The following CSMD1 variants were observed in gnomAD, a reference collection of about 807,000 sequenced individuals.
CSMD1 encodes CUB and Sushi multiple domains 1.
Under a neutral mutation model 417.5 loss-of-function variants are expected in CSMD1, and 213 were observed. The ratio of observed to expected loss-of-function variants is 0.51; its 90% confidence interval spans 0.46 to 0.57. The LOEUF is 0.57. Ranked by LOEUF, CSMD1 falls within the 20% of genes least tolerant of loss-of-function variation. CSMD1 has a pLI of 0.00. For missense variants in CSMD1, 6,923 were observed against 4,529.7 expected (o/e 1.53, Z -15.17); for synonymous variants, 2,862 against 1,736.8 (o/e 1.65, Z -16.11).
intron 8 of CSMD1, among the ~76,000 whole-genome samples, chr8:3,594,837 C>G (rs1473701359): frequency 6.6e-6 from 1 of 152,190 alleles, no homozygotes; most frequent in Non-Finnish European, 1.5e-5. Flanking sequence ...CTTGAAATCT[C>G]TCACAGCTTC....
At chr8:4,920,886 GAAAA>G (rs1563768660) in intron 1 of CSMD1, among the ~76,000 whole-genome samples, 11 of 47,836 alleles carry the variant, frequency 2.3e-4, no homozygotes, top group African/African-American at 6.3e-4. Context: ...GAAAAGAAAA[GAAAA>G]GAAAAGAAAA....
At chr8:4,916,550 C>T (rs1467782086) in intron 1 of CSMD1, among the ~76,000 whole-genome samples, 7 of 152,116 alleles carry the variant, frequency 4.6e-5, no homozygotes, top group East Asian at 1.9e-4. Context: ...AGAAAATGCA[C>T]GTGGCACTCA....
chr8:3,570,770 G>T (rs1442940891), intron 10 of CSMD1, among the ~76,000 whole-genome samples: 1 of 152,126 alleles, frequency 6.6e-6, no homozygotes, highest in East Asian at 1.9e-4. Context: ...ATTTATGGTG[G>T]AAAGCAAGCA....
intron 5 of CSMD1, among the ~76,000 whole-genome samples, chr8:3,973,411 A>G (rs561533079): frequency 1.3e-5 from 2 of 152,350 alleles, no homozygotes; most frequent in East Asian, 1.9e-4. Context: ...GTCACACCCT[A>G]CTAGTGAAGT....
chr8:3,339,456 G>C (rs954078028), intron 23 of CSMD1, among the ~76,000 whole-genome samples: 7 of 152,102 alleles, frequency 4.6e-5, no homozygotes, highest in African/African-American at 1.2e-4. Flanking sequence ...TGATTTGGTA[G>C]GCTCAGAATT....
At chr8:3,628,382 C>T (rs1037150117) in intron 7 of CSMD1, among the ~76,000 whole-genome samples, 30 of 152,216 alleles carry the variant, frequency 2.0e-4, no homozygotes, top group Non-Finnish European at 4.1e-4. Flanking sequence ...TTTACCAGAG[C>T]ACAGGCCCGT....
At chr8:3,918,757 T>C (rs1322615414) in intron 5 of CSMD1, among the ~76,000 whole-genome samples, 1 of 152,150 alleles carries the variant, frequency 6.6e-6, no homozygotes, top group African/African-American at 2.4e-5. Flanking sequence ...ACTATTCTTC[T>C]AAGTGAAGTA....
chr8:3,278,598 A>C (rs1802487083), intron 26 of CSMD1: 2 of 152,220 alleles, frequency 1.3e-5, no homozygotes, highest in Admixed American at 1.3e-4. Flanking sequence ...TTTAAATTAT[A>C]AAATTAGCAT....
intron 3 of CSMD1, among the ~76,000 whole-genome samples, chr8:4,286,827 G>C (rs1585161417): frequency 6.6e-6 from 1 of 152,252 alleles, no homozygotes; most frequent in Admixed American, 6.5e-5. Flanking sequence ...TCTTTCAGTT[G>C]CTGTTGCTGT....
chr8:3,706,464 T>G (rs1483688595), intron 7 of CSMD1, among the ~76,000 whole-genome samples: 1 of 152,224 alleles, frequency 6.6e-6, no homozygotes, highest in Non-Finnish European at 1.5e-5. Flanking sequence ...ATTCCTCATT[T>G]TCCCTAATGA....
intron 1 of CSMD1, among the ~76,000 whole-genome samples, chr8:4,912,506 T>C (rs1418386985): frequency 3.9e-5 from 6 of 152,184 alleles, no homozygotes; most frequent in Non-Finnish European, 8.8e-5. Context: ...TGCCAGAGGC[T>C]TCATGCCAGA....
At chr8:4,578,685 G>T (rs887935952) in intron 2 of CSMD1, among the ~76,000 whole-genome samples, 3 of 150,744 alleles carry the variant, frequency 2.0e-5, no homozygotes, top group African/African-American at 7.3e-5. Context: ...CATGGTGGCA[G>T]GTCCTGTAAT....
At chr8:3,909,652 G>A (rs3990493) in intron 5 of CSMD1, among the ~76,000 whole-genome samples, 11,352 of 152,130 alleles carry the variant, frequency 0.075, 478 homozygotes, top group South Asian at 0.13. Flanking sequence ...TGGGTGAAGA[G>A]TCACCTGGGA....
chr8:4,247,788 A>T (rs758873531), intron 3 of CSMD1, among the ~76,000 whole-genome samples: 2 of 152,166 alleles, frequency 1.3e-5, no homozygotes, highest in South Asian at 2.1e-4. Context: ...ATCTGAAAAA[A>T]GTACTGTGGG....
intron 5 of CSMD1, among the ~76,000 whole-genome samples, chr8:3,906,356 G>C (rs1441524843): frequency 6.6e-6 from 1 of 152,092 alleles, no homozygotes; most frequent in African/African-American, 2.4e-5. Context: ...GTATACCTGA[G>C]TCACCTATAG....
intron 3 of CSMD1, among the ~76,000 whole-genome samples, chr8:4,076,084 G>C (rs1312070186): frequency 6.6e-6 from 1 of 152,070 alleles, no homozygotes; most frequent in African/African-American, 2.4e-5. Flanking sequence ...ATCTCATCTT[G>C]AATTGCAGTT....
chr8:4,190,280 A>C (rs977023208), intron 3 of CSMD1, among the ~76,000 whole-genome samples: 2 of 148,536 alleles, frequency 1.3e-5, no homozygotes, highest in African/African-American at 5.0e-5. Context: ...AAAAAAGCAG[A>C]GACTCTGGGT....
chr8:3,217,979 A>T (rs1055489165), intron 29 of CSMD1, among the ~76,000 whole-genome samples: 1 of 152,218 alleles, frequency 6.6e-6, no homozygotes, highest in African/African-American at 2.4e-5. Flanking sequence ...ATTCTTTGTA[A>T]TACACCTTGT....
intron 3 of CSMD1, among the ~76,000 whole-genome samples, chr8:4,312,748 C>T (rs1480026105): frequency 1.3e-5 from 2 of 152,048 alleles, no homozygotes; most frequent in East Asian, 1.9e-4. Context: ...GTGGCAGATA[C>T]CTGTAATCCC....
Sources: allele counts gnomAD v4.1 joint callset (sites outside exome capture counted in the v4.1 genomes callset), GRCh38; gene constraint gnomAD v4.1.1; transcripts MANE v1.5; gene names NCBI Gene and HGNC (gene_info 2026-07-23, HGNC 2026-07-21).